Variants in VPS13B observed in about 807,000 individuals in gnomAD.
VPS13B encodes intermembrane lipid transfer protein VPS13B.
A neutral mutation model predicts 426.4 loss-of-function variants in VPS13B; 285 were observed. That is an observed-to-expected ratio of 0.67 (90% confidence interval 0.61 to 0.74). The LOEUF (loss-of-function observed/expected upper bound fraction) is 0.74, where lower values mean the gene tolerates loss of function less well. Among genes scored for constraint, VPS13B ranks in the 30% least tolerant of loss-of-function variants. The pLI, the probability that VPS13B is intolerant of heterozygous loss-of-function variation, is 0.00. For missense variants in VPS13B, 4,537 were observed against 4,782.6 expected (o/e 0.95, Z 1.51); for synonymous variants, 1,676 against 1,676.4 (o/e 1.00, Z 0.01).
intron 3 of VPS13B, among the ~76,000 whole-genome samples, chr8:99,065,818 C>T (rs1373241924): frequency 1.3e-5 from 2 of 152,160 alleles, no homozygotes; most frequent in East Asian, 3.8e-4. Context: ...TCTCAGGATA[C>T]AAAATCAATG....
chr8:99,636,088 A>G (rs1283789966), intron 33 of VPS13B, among the ~76,000 whole-genome samples: 1 of 151,986 alleles, frequency 6.6e-6, no homozygotes, highest in Non-Finnish European at 1.5e-5. Context: ...TCAACTTGAC[A>G]TGTTTTCCTA....
intron 35 of VPS13B, among the ~76,000 whole-genome samples, chr8:99,682,308 A>G (rs1345534959): frequency 1.3e-5 from 2 of 152,236 alleles, no homozygotes; most frequent in South Asian, 2.1e-4. Context: ...TACTAAAGAT[A>G]CAAAAAAATT....
At chr8:99,566,841 T>C (rs1825215588) in intron 31 of VPS13B, among the ~76,000 whole-genome samples, 2 of 152,212 alleles carry the variant, frequency 1.3e-5, no homozygotes, top group African/African-American at 2.4e-5. Context: ...CTTTTATACA[T>C]TATCCTGTAT....
At chr8:99,340,842 G>A (rs1811200945) in intron 19 of VPS13B, 2 of 319,820 alleles carry the variant, frequency 6.3e-6, no homozygotes, top group East Asian at 9.3e-5. Flanking sequence ...CAATGCTTCC[G>A]GCTTGGCTTT....
Position 99,698,285 on chromosome 8 carries a change from G to A in VPS13B, c.6047-1240G>A, listed in dbSNP as rs569933440. On this transcript the variant is annotated intron_variant, in intron 35 of 61. Transcript: ENST00000357162. ...AGCTGCCTGACTCCAGAGGCCACTG[G>A]GCCAGGCTAGGGCAGGAAGGTGCCC... Among the ~76,000 whole-genome samples, 208 of 152,264 alleles carry A rather than the reference G, an allele frequency of 1.4e-3. 1 individual carries two copies. The highest frequency in any genetic ancestry group is 1.1e-3 in the Non-Finnish European group (75 of 68,010).
chr8:99,471,795 A>T (rs1819421577), intron 24 of VPS13B, among the ~76,000 whole-genome samples: 1 of 152,176 alleles, frequency 6.6e-6, no homozygotes, highest in African/African-American at 2.4e-5. Flanking sequence ...CACCTGCAGA[A>T]TTGAATAACG....
chr8:99,500,063 T>G (rs942901441), intron 25 of VPS13B, among the ~76,000 whole-genome samples: 3 of 152,154 alleles, frequency 2.0e-5, no homozygotes, highest in African/African-American at 7.2e-5. Context: ...CTTTGGTTTG[T>G]TTTGTACAGG....
At chr8:99,108,093 G>T (rs561707272) in intron 5 of VPS13B, among the ~76,000 whole-genome samples, 1 of 152,300 alleles carries the variant, frequency 6.6e-6, no homozygotes, top group African/African-American at 2.4e-5. Context: ...TTGAGAACAT[G>T]CAGTGTTTGG....
chr8:99,190,741 C>T (rs1813518057), intron 16 of VPS13B, among the ~76,000 whole-genome samples: 1 of 152,160 alleles, frequency 6.6e-6, no homozygotes, highest in Admixed American at 6.5e-5. Flanking sequence ...TCTACTTTTA[C>T]ATATGTCATA....
chr8:99,574,891 G>C (rs992930276), intron 31 of VPS13B, among the ~76,000 whole-genome samples: 2 of 152,132 alleles, frequency 1.3e-5, no homozygotes, highest in African/African-American at 2.4e-5. Flanking sequence ...AGCTGGACAT[G>C]GTGGCTCAAC....
At chr8:99,054,080 T>C (rs1054597279) in intron 3 of VPS13B, among the ~76,000 whole-genome samples, 2 of 152,262 alleles carry the variant, frequency 1.3e-5, no homozygotes, top group Non-Finnish European at 1.5e-5. Context: ...CATTCACCGA[T>C]GGACACTTGG....
At position 99,118,717 on chromosome 8, in the gene VPS13B, C is replaced by T. The variant is rs146837301; in HGVS notation, c.938-2460C>T. 7.2e-5 allele frequency among the ~76,000 whole-genome samples: 11 copies of T among 152,272 alleles called. 1 individual carries two copies. The highest frequency in any genetic ancestry group is 6.2e-4 in the South Asian group (3 of 4,826). ...TATCTATGTTGTTGCATGTAGCAGT[C>T]GTTCTTTCCTTTTCATTGCTACATA... On this transcript the variant is annotated intron_variant, in intron 7 of 61. Coordinates refer to ENST00000357162, the MANE Select transcript of VPS13B (RefSeq NM_152564.5).
chr8:99,122,151 G>A (rs1847980807), intron 8 of VPS13B, among the ~76,000 whole-genome samples: 1 of 151,000 alleles, frequency 6.6e-6, no homozygotes, highest in African/African-American at 2.4e-5. Context: ...TAGCTATCAC[G>A]CCCAGCCTCA....
At chr8:99,702,767 G>A (rs568736146) in intron 36 of VPS13B, among the ~76,000 whole-genome samples, 1 of 152,198 alleles carries the variant, frequency 6.6e-6, no homozygotes, top group East Asian at 1.9e-4. Flanking sequence ...ACTTATGCAA[G>A]CTATTTTTAG....
At chr8:99,697,300 A>G (rs1832067724) in intron 35 of VPS13B, 1 of 575,770 alleles carries the variant, frequency 1.7e-6, no homozygotes. Flanking sequence ...GAGTTGGAGA[A>G]GGATGTCGCG....
rs745316236 is a variant in VPS13B, at chr8:99,096,354, A to G, written c.334A>G (p.Thr112Ala). ...TGGTTCTAATTCTACCAACCGTAGT[A>G]CTGCTGAGAGCACAAAATCATCAAT... ...SCGSNSTNRS[T>A]AESTKSSIKP... is the part of the protein sequence containing the mutation. The change falls in exon 4 of 62, where the codon ACT becomes GCT. Residue 112 changes from threonine to alanine, a missense_variant. By Grantham distance (58) the Thr-to-Ala change is moderately conservative (BLOSUM62 0). Transcript: ENST00000357162. 2 of 1,614,158 alleles carry G rather than the reference A, an allele frequency of 1.2e-6. No individual in the cohort carries two copies. Among genetic ancestry groups the G allele is most frequent in the East Asian group, 2.2e-5 (1 of 44,888 alleles).
intron 19 of VPS13B, 74 bp from the exon 20 acceptor site, chr8:99,384,134 A>C: frequency 8.3e-7 from 1 of 1,200,850 alleles, no homozygotes; most frequent in Non-Finnish European, 1.2e-6. Flanking sequence ...GCTATCCTAC[A>C]TGGTGTAAAG....
intron 21 of VPS13B, among the ~76,000 whole-genome samples, chr8:99,413,290 G>C (rs570830913): frequency 6.6e-6 from 1 of 151,950 alleles, no homozygotes; most frequent in South Asian, 2.1e-4. Context: ...CTCTTGGGAG[G>C]GTGTATATGT....
chr8:99,109,023 T>C (rs1167800631), intron 5 of VPS13B, among the ~76,000 whole-genome samples: 1 of 152,138 alleles, frequency 6.6e-6, no homozygotes, highest in Non-Finnish European at 1.5e-5. Flanking sequence ...GTTTTGGAAG[T>C]TTTCTCTATT....
Sources: gnomAD v4.1 joint callset for allele counts (sites outside exome capture counted in the v4.1 genomes callset) on GRCh38, gnomAD v4.1.1 for gene constraint, MANE v1.5 for transcripts, NCBI Gene and HGNC (gene_info 2026-07-23, HGNC 2026-07-21) for gene names.